Variants in NRG1 observed in about 807,000 individuals in gnomAD.
The protein encoded by NRG1 is neuregulin 1, also known as pro-neuregulin-1, membrane-bound isoform.
In NRG1, 18 loss-of-function variants were observed where a neutral mutation model predicts 63.8. The ratio of observed to expected loss-of-function variants is 0.28; its 90% CI spans 0.19 to 0.42. The LOEUF is 0.42. Among genes scored for constraint, NRG1 ranks in the 10% least tolerant of loss-of-function variants. The pLI is 1.00. For synonymous variants in NRG1, 302 were observed against 301.3 expected (o/e 1.00, Z -0.02); for missense variants, 762 against 814.7 (o/e 0.94, Z 0.79).
intron 1 of NRG1, among the ~76,000 whole-genome samples, chr8:32,481,070 G>A (rs1476740243): frequency 1.3e-5 from 2 of 152,132 alleles, no homozygotes; most frequent in Non-Finnish European, 2.9e-5. Context: ...TAGGCCAGGC[G>A]CAGTGGCTGA....
At chr8:32,682,171 T>C (rs1048378204) in intron 5 of NRG1, among the ~76,000 whole-genome samples, 3 of 152,196 alleles carry the variant, frequency 2.0e-5, no homozygotes, top group Non-Finnish European at 2.9e-5. Context: ...TTATTTTTTG[T>C]AGGTAATCAG....
At chr8:32,496,721 T>C (rs1827240692) in intron 1 of NRG1, among the ~76,000 whole-genome samples, 1 of 152,242 alleles carries the variant, frequency 6.6e-6, no homozygotes, top group African/African-American at 2.4e-5. Context: ...TGACTGATTA[T>C]ATATATTAGG....
intron 4 of NRG1, among the ~76,000 whole-genome samples, chr8:32,616,395 C>G (rs1411349515): frequency 6.6e-6 from 1 of 152,106 alleles, no homozygotes; most frequent in African/African-American, 2.4e-5. Flanking sequence ...GAAATACTCT[C>G]AATCTTGTTT....
chr8:31,652,236 T>A (rs996433739), intron 1 of NRG1, among the ~76,000 whole-genome samples: 1 of 152,232 alleles, frequency 6.6e-6, no homozygotes, highest in Non-Finnish European at 1.5e-5. Context: ...CCACTGATTC[T>A]ACGTCCTTAA....
intron 1 of NRG1, among the ~76,000 whole-genome samples, chr8:32,296,877 G>A (rs1028920682): frequency 2.0e-5 from 3 of 152,040 alleles, no homozygotes; most frequent in African/African-American, 7.2e-5. Context: ...AACACTTTGG[G>A]AGGCCAAGGC....
intron 1 of NRG1, among the ~76,000 whole-genome samples, chr8:32,200,811 T>C (rs945239533): frequency 6.6e-6 from 1 of 152,210 alleles, no homozygotes; most frequent in African/African-American, 2.4e-5. Flanking sequence ...CCCTTTGCAC[T>C]TGTGGTACAT....
At chr8:32,461,570 C>T (rs1040326490) in intron 1 of NRG1, among the ~76,000 whole-genome samples, 19 of 151,796 alleles carry the variant, frequency 1.3e-4, no homozygotes, top group African/African-American at 3.1e-4. Context: ...TGGTGGCGGG[C>T]GCCTGTAATC....
intron 5 of NRG1, among the ~76,000 whole-genome samples, chr8:32,667,338 G>A (rs1365557105): frequency 1.3e-5 from 2 of 152,134 alleles, no homozygotes; most frequent in African/African-American, 4.8e-5. Context: ...GATGGTATAT[G>A]CCATATTTTG....
intron 1 of NRG1, among the ~76,000 whole-genome samples, chr8:32,334,862 A>G (rs1048829582): frequency 6.6e-6 from 1 of 152,214 alleles, no homozygotes; most frequent in Non-Finnish European, 1.5e-5. Flanking sequence ...AATACAAATA[A>G]GTTCTTTTGG....
At chr8:32,663,932 G>A (rs1159374468) in intron 5 of NRG1, among the ~76,000 whole-genome samples, 1 of 152,138 alleles carries the variant, frequency 6.6e-6, no homozygotes, top group African/African-American at 2.4e-5. Context: ...CCTATACTCT[G>A]TGGTCATCAT....
At chr8:32,757,760 T>C (rs1262805405) in intron 9 of NRG1, among the ~76,000 whole-genome samples, 3 of 152,218 alleles carry the variant, frequency 2.0e-5, no homozygotes, top group African/African-American at 7.2e-5. Flanking sequence ...ATTTCTTCAA[T>C]ATAAAAACAG....
rs1833409876 is a variant in NRG1 at position 32,548,557 on chromosome 8, C to T, written c.-170C>T. On this transcript the variant is annotated 5_prime_UTR_variant, in exon 1 of 12. Transcript: ENST00000356819. ...GGCCGGACCGCCCGCCGCGTCCGCG[C>T]CGCGCTCCCTGCAGGCAACGGGAGA... is the stretch of plus-strand genomic sequence containing the variant. The T allele has an allele frequency of 2.4e-6, 3 of 1,261,260 alleles. No homozygotes were observed. The Admixed American group carries it at 1.3e-4, about 55-fold the overall frequency. 78.1% of individuals were successfully genotyped at this position (1,261,260 alleles called of 1,614,324 possible).
intron 1 of NRG1, among the ~76,000 whole-genome samples, chr8:32,328,877 A>G (rs1310943136): frequency 6.6e-6 from 1 of 152,092 alleles, no homozygotes; most frequent in Admixed American, 6.6e-5. Context: ...TCTTGATGGG[A>G]GTTGAACATA....
intron 1 of NRG1, among the ~76,000 whole-genome samples, chr8:32,588,432 G>A (rs1842001075): frequency 6.6e-6 from 1 of 152,182 alleles, no homozygotes; most frequent in Non-Finnish European, 1.5e-5. Context: ...ACATCCGTAT[G>A]TAAAATCCCC....
At chr8:32,486,594 C>A (rs1426312530) in intron 1 of NRG1, among the ~76,000 whole-genome samples, 4 of 150,924 alleles carry the variant, frequency 2.7e-5, no homozygotes, top group African/African-American at 9.7e-5. Context: ...TTAAATACAC[C>A]ATTATTTCCT....
chr8:31,873,484 G>A (rs1160577379), intron 1 of NRG1, among the ~76,000 whole-genome samples: 3 of 152,154 alleles, frequency 2.0e-5, no homozygotes, highest in African/African-American at 7.2e-5. Flanking sequence ...GCTTGAACCT[G>A]GGAGGCGGAG....
At chr8:31,980,856 G>A (rs1808948387) in intron 1 of NRG1, among the ~76,000 whole-genome samples, 1 of 151,620 alleles carries the variant, frequency 6.6e-6, no homozygotes, top group South Asian at 2.1e-4. Flanking sequence ...ATTCTAGGTG[G>A]GAGAATAACA....
At chr8:32,426,846 T>C (rs1461364250) in intron 1 of NRG1, among the ~76,000 whole-genome samples, 2 of 152,232 alleles carry the variant, frequency 1.3e-5, no homozygotes, top group Non-Finnish European at 2.9e-5. Flanking sequence ...AAGATTCTAC[T>C]TTTCCGATAA....
chr8:31,977,803 A>G (rs1264658939), intron 1 of NRG1, among the ~76,000 whole-genome samples: 3 of 152,136 alleles, frequency 2.0e-5, no homozygotes, highest in South Asian at 2.1e-4. Flanking sequence ...AACAGATTCA[A>G]TTCTGTGTAG....
Sources: gnomAD v4.1 joint callset for allele counts (sites outside exome capture counted in the v4.1 genomes callset) on GRCh38, gnomAD v4.1.1 for gene constraint, MANE v1.5 for transcripts, NCBI Gene and HGNC (gene_info 2026-07-23, HGNC 2026-07-21) for gene names.